ZFAND3: variants seen among roughly 807,000 people sequenced by gnomAD.
The protein encoded by ZFAND3 is zinc finger AN1-type containing 3.
ZFAND3 carries 10 observed loss-of-function variants against 29.6 expected under a neutral mutation model. The ratio of observed to expected loss-of-function variants is 0.34; its 90% CI spans 0.21 to 0.57. The LOEUF (loss-of-function observed/expected upper bound fraction) is 0.57. ZFAND3 is among the 20% of genes least tolerant of loss of function. The pLI, the probability that ZFAND3 is intolerant of heterozygous loss-of-function variation, is 0.86. For missense variants in ZFAND3, 230 were observed against 304.5 expected, an observed-to-expected ratio of 0.76 and a Z score of 1.82; for synonymous variants, 128 against 112.6, an observed-to-expected ratio of 1.14 and a Z score of -0.87.
At chr6:37,820,246 G>A (rs983993354) in intron 1 of ZFAND3, among the ~76,000 whole-genome samples, 1 of 152,114 alleles carries the variant, frequency 6.6e-6, no homozygotes, top group African/African-American at 2.4e-5. Context: ...GGGACTCGCC[G>A]GCCTGAAGCT....
At chr6:38,057,273 GTAA>G (rs1050838954) in intron 2 of ZFAND3, among the ~76,000 whole-genome samples, 3 of 152,138 alleles carry the variant, frequency 2.0e-5, no homozygotes, top group Non-Finnish European at 4.4e-5. Flanking sequence ...TTCTTTACAT[GTAA>G]TATAAATCTG....
chr6:37,819,879 C>CAGAGCG lies in ZFAND3; in HGVS notation c.-66_-61dup. On this transcript the variant is annotated 5_prime_UTR_variant, in exon 1 of 6. Transcript: ENST00000287218. ...CCCGACGCCGCCGCCACCGCCTCCT[C>CAGAGCG]AGAGCGGGGCCCGGGCCCAGCCGCC... is the stretch of plus-strand genomic sequence containing the variant. 1 of 1,122,366 alleles carries CAGAGCG rather than the reference C, an allele frequency of 8.9e-7. No homozygotes were observed. The highest frequency in any genetic ancestry group is 1.1e-6 in the Non-Finnish European group (1 of 909,280). The allele number at this position is 1,122,366 out of a possible 1,614,324, so 69.5% of individuals were successfully genotyped here.
intron 2 of ZFAND3, among the ~76,000 whole-genome samples, chr6:37,971,950 G>A: frequency 6.6e-6 from 1 of 151,736 alleles, no homozygotes; most frequent in East Asian, 1.9e-4. Context: ...ACTCCAGCCT[G>A]GGCGATAGAA....
At chr6:37,935,139 T>A (rs1220918695) in intron 2 of ZFAND3, among the ~76,000 whole-genome samples, 4 of 152,304 alleles carry the variant, frequency 2.6e-5, no homozygotes, top group African/African-American at 9.6e-5. Flanking sequence ...TATTTTTATA[T>A]TATTGCTAAA....
intron 1 of ZFAND3, among the ~76,000 whole-genome samples, chr6:37,920,052 C>CTTTT (rs11389241): frequency 4.3e-4 from 40 of 93,378 alleles, no homozygotes; most frequent in African/African-American, 5.0e-4. Flanking sequence ...TTTTTTGAAG[C>CTTTT]TTTTTTTTTT....
chr6:37,947,663 A>G (rs1263205890), intron 2 of ZFAND3, among the ~76,000 whole-genome samples: 1 of 152,152 alleles, frequency 6.6e-6, no homozygotes, highest in Non-Finnish European at 1.5e-5. Flanking sequence ...GTTTCATCTA[A>G]ATTTATACTT....
At chr6:37,931,542 C>CAAA (rs34959839) in intron 2 of ZFAND3, among the ~76,000 whole-genome samples, 1 of 81,956 alleles carries the variant, frequency 1.2e-5, no homozygotes. Context: ...GACTCCGTCT[C>CAAA]AAAAAAAAAA....
At chr6:37,975,434 CAG>C (rs1762461689) in intron 2 of ZFAND3, among the ~76,000 whole-genome samples, 1 of 152,008 alleles carries the variant, frequency 6.6e-6, no homozygotes, top group Non-Finnish European at 1.5e-5. Flanking sequence ...TTTTTTATAA[CAG>C]TGAGTTTTGA....
chr6:38,034,210 A>G (rs990413596), intron 2 of ZFAND3, among the ~76,000 whole-genome samples: 3 of 152,138 alleles, frequency 2.0e-5, no homozygotes, highest in Admixed American at 6.5e-5. Flanking sequence ...TAGTGGGGCA[A>G]ACTAGTCTCT....
intron 2 of ZFAND3, among the ~76,000 whole-genome samples, chr6:37,949,098 C>G (rs1761951587): frequency 6.6e-6 from 1 of 152,152 alleles, no homozygotes; most frequent in Admixed American, 6.5e-5. Context: ...TAAGCATTCT[C>G]TTTTCTCTGC....
At chr6:38,066,046 G>C (rs1310606087) in intron 3 of ZFAND3, among the ~76,000 whole-genome samples, 1 of 152,176 alleles carries the variant, frequency 6.6e-6, no homozygotes. Flanking sequence ...ATTTTGGGGT[G>C]GAAGGGGGGA....
chr6:37,897,731 A>G (rs1241921026), intron 1 of ZFAND3, among the ~76,000 whole-genome samples: 2 of 152,150 alleles, frequency 1.3e-5, no homozygotes, highest in African/African-American at 4.8e-5. Context: ...TCTGATGTCT[A>G]CTGATGTTGA....
chr6:37,862,877 AT>A (rs1764519870), intron 1 of ZFAND3, among the ~76,000 whole-genome samples: 1 of 151,794 alleles, frequency 6.6e-6, no homozygotes, highest in Non-Finnish European at 1.5e-5. Context: ...CAGGGAAAAT[AT>A]TTGGGCCAAC....
chr6:37,863,624 T>G (rs778930179), intron 1 of ZFAND3, among the ~76,000 whole-genome samples: 8 of 152,138 alleles, frequency 5.3e-5, no homozygotes, highest in Admixed American at 1.3e-4. Flanking sequence ...TTTTTTTTCT[T>G]TTTCAGTTTA....
intron 2 of ZFAND3, among the ~76,000 whole-genome samples, chr6:38,041,826 CT>C (rs1458250020): frequency 6.4e-5 from 1 of 15,506 alleles, no homozygotes; most frequent in African/African-American, 2.0e-4. Flanking sequence ...TCTTCTCCTC[CT>C]TTTTTTTTTT....
chr6:37,905,114 G>T (rs1054664439), intron 1 of ZFAND3, among the ~76,000 whole-genome samples: 2 of 152,114 alleles, frequency 1.3e-5, no homozygotes, highest in Non-Finnish European at 2.9e-5. Context: ...CAGTAAAAAG[G>T]TCTGACATCA....
intron 1 of ZFAND3, among the ~76,000 whole-genome samples, chr6:37,861,632 A>G (rs1764492950): frequency 6.6e-6 from 1 of 152,248 alleles, no homozygotes; most frequent in East Asian, 1.9e-4. Flanking sequence ...ATTATGAAAT[A>G]TTATGAAAGA....
chr6:37,985,785 G>A (rs973414936), intron 2 of ZFAND3, among the ~76,000 whole-genome samples: 1 of 152,206 alleles, frequency 6.6e-6, no homozygotes, highest in Admixed American at 6.5e-5. Flanking sequence ...AAGAGGAATA[G>A]ATAAAGGAGA....
At chr6:38,086,282 C>T (rs979211165) in intron 4 of ZFAND3, among the ~76,000 whole-genome samples, 1 of 152,070 alleles carries the variant, frequency 6.6e-6, no homozygotes, top group African/African-American at 2.4e-5. Context: ...AAAAGCAACA[C>T]GATGATCATT....
Sources: allele counts gnomAD v4.1 joint callset (sites outside exome capture counted in the v4.1 genomes callset), GRCh38; gene constraint gnomAD v4.1.1; transcripts MANE v1.5; gene names NCBI Gene and HGNC (gene_info 2026-07-23, HGNC 2026-07-21).